Variants in BCAS3 observed in about 807,000 individuals in gnomAD.
BCAS3 encodes BCAS4/BCAS3 fusion.
BCAS3 carries 53 observed loss-of-function variants against 116.1 expected under a neutral mutation model. The observed-to-expected ratio is 0.46, with a 90% CI of 0.37 to 0.57. The LOEUF is 0.57. Ranked by LOEUF, BCAS3 falls within the 20% of genes least tolerant of loss-of-function variation. BCAS3 has a pLI of 0.00. For synonymous variants in BCAS3, 391 were observed against 408.2 expected (o/e 0.96, Z 0.51); for missense variants, 917 against 1,165.4 (o/e 0.79, Z 3.10).
chr17:61,138,217 T>A (rs1443047779), intron 22 of BCAS3, among the ~76,000 whole-genome samples: 2 of 152,242 alleles, frequency 1.3e-5, no homozygotes, highest in Admixed American at 6.5e-5. Context: ...AAATTTCATT[T>A]AATTTTAATT....
chr17:61,169,261 C>T (rs1390278216), intron 22 of BCAS3, among the ~76,000 whole-genome samples: 1 of 151,992 alleles, frequency 6.6e-6, no homozygotes, highest in East Asian at 1.9e-4. Context: ...TAATATATTC[C>T]ACTTGAAACA....
intron 22 of BCAS3, among the ~76,000 whole-genome samples, chr17:61,232,219 AAAG>A (rs1164623943): frequency 3.3e-5 from 5 of 151,440 alleles, no homozygotes; most frequent in South Asian, 4.2e-4. Context: ...AAAAAAAAAA[AAAG>A]AAAGAGAAAA....
chr17:61,236,455 G>T (rs2083066087), intron 22 of BCAS3, among the ~76,000 whole-genome samples: 2 of 152,108 alleles, frequency 1.3e-5, no homozygotes, highest in African/African-American at 4.8e-5. Context: ...GAATAGCTGG[G>T]ACTATAGGCA....
chr17:61,045,827 C>CTA, intron 19 of BCAS3, among the ~76,000 whole-genome samples: 2 of 5,100 alleles, frequency 3.9e-4, no homozygotes, highest in Admixed American at 4.6e-3. Flanking sequence ...CTCTCTTTCT[C>CTA]TCTCTCTCTC....
intron 12 of BCAS3, among the ~76,000 whole-genome samples, chr17:60,911,205 C>A (rs1473181616): frequency 7.0e-6 from 1 of 143,014 alleles, no homozygotes; most frequent in African/African-American, 2.7e-5. Context: ...TCACTGCAAT[C>A]TCTGCCTCCT....
intron 22 of BCAS3, among the ~76,000 whole-genome samples, chr17:61,125,543 T>G (rs548885319): frequency 3.3e-5 from 5 of 152,282 alleles, no homozygotes; most frequent in Non-Finnish European, 5.9e-5. Flanking sequence ...CAAAAAAAAT[T>G]TTTATCAATA....
intron 22 of BCAS3, among the ~76,000 whole-genome samples, chr17:61,334,689 A>AC (rs2056581028): frequency 3.4e-5 from 5 of 145,962 alleles, no homozygotes; most frequent in African/African-American, 7.7e-5. Context: ...AAAAAAAAAA[A>AC]CACCAAGAAA....
chr17:60,686,530 A>G (rs565003859), intron 3 of BCAS3, among the ~76,000 whole-genome samples: 14 of 146,906 alleles, frequency 9.5e-5, no homozygotes, highest in Non-Finnish European at 1.4e-4. Context: ...TATTTATTTA[A>G]TTTTTTTTTT....
chr17:61,060,115 T>TA (rs1329537581), intron 19 of BCAS3, among the ~76,000 whole-genome samples: 2 of 140,142 alleles, frequency 1.4e-5, no homozygotes, highest in African/African-American at 6.6e-5. Context: ...CCTAAATATA[T>TA]TTTTTTTATT....
chr17:61,116,816 T>C (rs908096463), intron 22 of BCAS3, among the ~76,000 whole-genome samples: 11 of 152,340 alleles, frequency 7.2e-5, no homozygotes, highest in African/African-American at 2.6e-4. Context: ...TTGTGTTACT[T>C]TCTTTGAGCC....
chr17:61,192,157 A>T (rs1300484309), intron 22 of BCAS3, among the ~76,000 whole-genome samples: 1 of 147,172 alleles, frequency 6.8e-6, no homozygotes, highest in Non-Finnish European at 1.5e-5. Context: ...GAGGCATGAG[A>T]ATCACTTGAA....
chr17:60,953,161 A>T (rs1056703281), intron 14 of BCAS3, among the ~76,000 whole-genome samples: 1 of 152,062 alleles, frequency 6.6e-6, no homozygotes, highest in South Asian at 2.1e-4. Context: ...TTGAATGGCA[A>T]TTCCGTTTTT....
At chr17:60,852,814 G>A (rs1324032799) in intron 7 of BCAS3, among the ~76,000 whole-genome samples, 1 of 152,166 alleles carries the variant, frequency 6.6e-6, no homozygotes, top group African/African-American at 2.4e-5. Flanking sequence ...GAGAAGAGGT[G>A]GAATAACAGG....
chr17:61,318,538 G>A (rs2054931020), intron 22 of BCAS3, among the ~76,000 whole-genome samples: 1 of 152,134 alleles, frequency 6.6e-6, no homozygotes, highest in Non-Finnish European at 1.5e-5. Context: ...TGTCTTAATG[G>A]CATTAACAAG....
intron 22 of BCAS3, among the ~76,000 whole-genome samples, chr17:61,331,494 C>T (rs1408725585): frequency 1.3e-5 from 2 of 152,044 alleles, no homozygotes; most frequent in Non-Finnish European, 2.9e-5. Flanking sequence ...AAACTTTAGC[C>T]TCAAGGAAAA....
chr17:60,771,166 A>G (rs1366494121), intron 6 of BCAS3, among the ~76,000 whole-genome samples: 8 of 152,102 alleles, frequency 5.3e-5, no homozygotes, highest in Non-Finnish European at 1.5e-5. Context: ...GTCTCCCAGT[A>G]TATGGTTTTT....
chr17:60,901,675 A>G (rs2057903995), intron 10 of BCAS3, among the ~76,000 whole-genome samples: 1 of 152,222 alleles, frequency 6.6e-6, no homozygotes, highest in East Asian at 1.9e-4. Context: ...GTCAGTGATG[A>G]AGAAAATTTT....
At chr17:60,754,669 A>G (rs1267309008) in intron 6 of BCAS3, among the ~76,000 whole-genome samples, 1 of 151,096 alleles carries the variant, frequency 6.6e-6, no homozygotes, top group African/African-American at 2.4e-5. Context: ...ATGCAGATGT[A>G]AAATTTAAAA....
Position 61,392,259 on chromosome 17 carries a change from G to A in BCAS3, c.*134G>A, listed in dbSNP as rs954670855. On this transcript the variant is annotated 3_prime_UTR_variant, in exon 24 of 24. Coordinates refer to ENST00000407086, the MANE Select transcript of BCAS3 (RefSeq NM_017679.5). This position sits in a 1 kb window ranked among gnomAD's most constrained non-coding sequence, Gnocchi z 6.4. ...TTCCCCAAGCTTAGTGACAGCAGCC[G>A]CCCATCCTACCTGGATGGAGAAGAG... 6 of 1,107,582 alleles carry A rather than the reference G, an allele frequency of 5.4e-6. No individual in the cohort carries two copies. The highest frequency in any genetic ancestry group is 7.6e-6 in the Non-Finnish European group (6 of 789,478). 68.6% of individuals were successfully genotyped at this position (1,107,582 alleles called of 1,614,324 possible). A position where few individuals can be genotyped will look rare whatever the true frequency, so the allele number is the denominator to read the frequency against.
Sources: gnomAD v4.1 joint callset for allele counts (sites outside exome capture counted in the v4.1 genomes callset) on GRCh38, gnomAD v4.1.1 for gene constraint, Gnocchi (gnomAD v3.1) non-coding constraint, MANE v1.5 for transcripts, NCBI Gene and HGNC (gene_info 2026-07-23, HGNC 2026-07-21) for gene names.